Variants in DCUN1D1 observed in about 807,000 individuals in gnomAD.
The protein encoded by DCUN1D1 is DCN1-like protein 1.
In DCUN1D1, 3 loss-of-function variants were observed where a neutral mutation model predicts 39.0. That is an observed-to-expected ratio of 0.08 (90% CI 0.04 to 0.20). The LOEUF (loss-of-function observed/expected upper bound fraction) is 0.20. Among genes scored for constraint, DCUN1D1 ranks in the 10% least tolerant of loss-of-function variants. The probability of loss-of-function intolerance (pLI) is 1.00; values close to 1 mark genes in which losing one functional copy is unlikely to be tolerated. For missense variants in DCUN1D1, 158 were observed against 302.4 expected, an observed-to-expected ratio of 0.52 and a Z score of 3.54; for synonymous variants, 82 against 96.3, an observed-to-expected ratio of 0.85 and a Z score of 0.87.
intron 3 of DCUN1D1, among the ~76,000 whole-genome samples, chr3:182,962,748 TTC>T (rs1273499574): frequency 3.3e-5 from 5 of 152,198 alleles, no homozygotes; most frequent in Non-Finnish European, 5.9e-5. Context: ...TCTTTAAATT[TTC>T]TCTGTTAAAA....
chr3:182,948,136 G>A (rs540104838), intron 4 of DCUN1D1, among the ~76,000 whole-genome samples: 51 of 152,304 alleles, frequency 3.3e-4, no homozygotes, highest in African/African-American at 1.2e-3. Context: ...AAGACAACCT[G>A]AGGGCCAACC....
chr3:182,946,771 AT>A (rs1726430659), intron 6 of DCUN1D1, among the ~76,000 whole-genome samples: 2 of 152,136 alleles, frequency 1.3e-5, no homozygotes, highest in Non-Finnish European at 2.9e-5. Context: ...AAACAGAAGA[AT>A]ATGGATTGGT....
At chr3:182,963,753 A>C in intron 3 of DCUN1D1, 128 bp downstream of exon 3, 5 of 765,428 alleles carry the variant, frequency 6.5e-6, no homozygotes, top group South Asian at 2.3e-5. Flanking sequence ...GAAACTAGCA[A>C]GTTAACCCAT....
rs1369673951 is a variant in DCUN1D1 at position 182,941,473 on chromosome 3, G to A, written c.*3621C>T. The A allele has an allele frequency of 6.6e-6, 1 of 151,964 alleles. No individual in the cohort carries two copies. The highest frequency in any genetic ancestry group is 2.4e-5 in the African/African-American group (1 of 41,384). 9.4% of individuals were successfully genotyped at this position (151,964 alleles called of 1,614,324 possible). A position where few individuals can be genotyped will look rare whatever the true frequency, so the allele number is the denominator to read the frequency against. ...ACTCATTTATAATCAATTAAATGAT[G>A]AGTCATAATTTGAACCCTAATTATC... On this transcript the variant is annotated 3_prime_UTR_variant, in exon 7 of 7. Coordinates refer to ENST00000292782, the MANE Select transcript of DCUN1D1 (RefSeq NM_020640.4).
chr3:182,951,120 C>G (rs1401335723), intron 4 of DCUN1D1: 2 of 150,174 alleles, frequency 1.3e-5, no homozygotes, highest in Non-Finnish European at 3.0e-5. Context: ...CCAGGTTGTT[C>G]AATTCTGTTC....
chr3:182,961,386 T>A (rs780576525), intron 3 of DCUN1D1, 30 bp from the exon 4 acceptor site: 14 of 1,552,274 alleles, frequency 9.0e-6, no homozygotes, highest in Non-Finnish European at 1.1e-5. Flanking sequence ...TTATAAAAGA[T>A]TAACTGTTTC....
intron 6 of DCUN1D1, among the ~76,000 whole-genome samples, chr3:182,945,553 C>A (rs758104959): frequency 2.0e-5 from 3 of 152,014 alleles, no homozygotes; most frequent in Admixed American, 6.6e-5. Context: ...AGTGAGATCG[C>A]GCCACTGCAC....
intron 1 of DCUN1D1, among the ~76,000 whole-genome samples, chr3:182,977,908 C>T (rs765518585): frequency 1.3e-5 from 2 of 151,842 alleles, no homozygotes; most frequent in Middle Eastern, 3.4e-3. Flanking sequence ...GGTATGTTGG[C>T]GGGCACCTAT....
At chr3:182,948,972 C>T (rs1049426222) in intron 4 of DCUN1D1, among the ~76,000 whole-genome samples, 20 of 150,714 alleles carry the variant, frequency 1.3e-4, no homozygotes, top group Non-Finnish European at 1.2e-4. Flanking sequence ...CGCTTGAAAC[C>T]GGAAGGCGGA....
Position 182,943,264 on chromosome 3 carries a change from T to C in DCUN1D1, c.*1830A>G, listed in dbSNP as rs1413824116. Reference sequence around the variant, plus strand: ...ATATATAGATATATAGATATATATATCTTTTAAAAATTTTTCATAATTGAA... The same window carrying C: ...ATATATAGATATATAGATATATATACCTTTTAAAAATTTTTCATAATTGAA... On this transcript the variant is annotated 3_prime_UTR_variant, in exon 7 of 7. Transcript: ENST00000292782. 1 of 149,142 alleles carries C rather than the reference T, an allele frequency of 6.7e-6. No individual in the cohort carries two copies. Among genetic ancestry groups the C allele is most frequent in the East Asian group, 1.9e-4 (1 of 5,158 alleles). The allele number at this position is 149,142 out of a possible 1,614,324, so 9.2% of individuals were successfully genotyped here. A position where few individuals can be genotyped will look rare whatever the true frequency, so the allele number is the denominator to read the frequency against.
chr3:182,960,649 T>C (rs1343713469), intron 4 of DCUN1D1, among the ~76,000 whole-genome samples: 2 of 152,208 alleles, frequency 1.3e-5, no homozygotes, highest in Non-Finnish European at 2.9e-5. Context: ...TTTTAGGTAA[T>C]TTGCAAATTA....
intron 1 of DCUN1D1, among the ~76,000 whole-genome samples, chr3:182,975,682 TAA>T (rs56722976): frequency 2.9e-4 from 35 of 121,894 alleles, no homozygotes; most frequent in Non-Finnish European, 3.4e-4. Flanking sequence ...CTTGCTGGGT[TAA>T]AAAAAAAAAA....
intron 4 of DCUN1D1, among the ~76,000 whole-genome samples, chr3:182,958,284 TAG>T (rs1377815448): frequency 1.3e-5 from 2 of 152,068 alleles, no homozygotes; most frequent in East Asian, 3.8e-4. Flanking sequence ...TTTTAATTAA[TAG>T]ACTTTTTTAG....
intron 2 of DCUN1D1, among the ~76,000 whole-genome samples, chr3:182,964,264 G>T (rs190169816): frequency 6.6e-6 from 1 of 152,234 alleles, no homozygotes; most frequent in Admixed American, 6.5e-5. Flanking sequence ...GATGAGACAT[G>T]ATTTTTTAAA....
intron 1 of DCUN1D1, among the ~76,000 whole-genome samples, chr3:182,966,332 AG>A (rs1240519237): frequency 1.3e-5 from 2 of 152,212 alleles, no homozygotes; most frequent in African/African-American, 2.4e-5. Flanking sequence ...GCAATAAAAT[AG>A]GAGTATTCGA....
In DCUN1D1 at chr3:182,944,502, A is replaced by G. The variant is rs1284213563; in HGVS notation, c.*592T>C. 6 of 152,318 alleles carry G rather than the reference A, an allele frequency of 3.9e-5. No individual in the cohort carries two copies. Among genetic ancestry groups the G allele is most frequent in the Non-Finnish European group, 8.8e-5 (6 of 68,008 alleles). 9.4% of individuals were successfully genotyped at this position (152,318 alleles called of 1,614,324 possible). A position where few individuals can be genotyped will look rare whatever the true frequency, so the allele number is the denominator to read the frequency against. ...ATCCTAAAAAATTTTCATGTCGGTT[A>G]TTCTGACATTGTTTTTTCATCAGAT... is the stretch of plus-strand genomic sequence containing the variant. On this transcript the variant is annotated 3_prime_UTR_variant, in exon 7 of 7. Coordinates refer to ENST00000292782, the MANE Select transcript of DCUN1D1 (RefSeq NM_020640.4).
intron 4 of DCUN1D1, among the ~76,000 whole-genome samples, chr3:182,957,385 G>A (rs1272433652): frequency 6.6e-6 from 1 of 152,212 alleles, no homozygotes; most frequent in Non-Finnish European, 1.5e-5. Flanking sequence ...CCAAGACTTT[G>A]GGAGGCCAAG....
chr3:182,969,934 TA>T (rs1238810050), intron 1 of DCUN1D1, among the ~76,000 whole-genome samples: 2 of 152,220 alleles, frequency 1.3e-5, no homozygotes, highest in Non-Finnish European at 2.9e-5. Flanking sequence ...ATATTTGCAT[TA>T]TTTTTTTCAC....
At chr3:182,983,724 A>G (rs747685215), upstream of DCUN1D1, among the ~76,000 whole-genome samples, 1 of 151,882 alleles carries the variant, frequency 6.6e-6, no homozygotes, top group Non-Finnish European at 1.5e-5. Context: ...AAAAAAAAAG[A>G]GATTCCCTAG....
Sources: allele counts gnomAD v4.1 joint callset (sites outside exome capture counted in the v4.1 genomes callset), GRCh38; gene constraint gnomAD v4.1.1; transcripts MANE v1.5; gene names NCBI Gene and HGNC (gene_info 2026-07-23, HGNC 2026-07-21).